The following COL23A1 variants were observed in gnomAD, a reference collection of about 807,000 sequenced individuals.
COL23A1 encodes collagen type XXIII alpha 1 chain, also known as collagen alpha-1(XXIII) chain.
Under a neutral mutation model 99.3 loss-of-function variants are expected in COL23A1, and 97 were observed. The observed-to-expected ratio is 0.98, with a 90% CI of 0.83 to 1.16. The LOEUF is 1.16. Among genes scored for constraint, COL23A1 ranks in the 50% most tolerant of loss-of-function variants. COL23A1 has a pLI of 0.00. For missense variants in COL23A1, 762 were observed against 757.4 expected (o/e 1.01, Z -0.07); for synonymous variants, 320 against 308.2 (o/e 1.04, Z -0.40).
At chr5:178,531,927 A>G (rs1375620258) in intron 2 of COL23A1, among the ~76,000 whole-genome samples, 2 of 152,092 alleles carry the variant, frequency 1.3e-5, no homozygotes, top group African/African-American at 4.8e-5. Flanking sequence ...CACAACACCA[A>G]ACTCAAGGTG....
intron 2 of COL23A1, among the ~76,000 whole-genome samples, chr5:178,364,552 G>A (rs188988708): frequency 1.3e-4 from 19 of 151,906 alleles, no homozygotes; most frequent in East Asian, 3.9e-4. Flanking sequence ...CTCACGGGCC[G>A]TCTTCCTAAG....
chr5:178,584,997 C>T (rs1763852829), intron 1 of COL23A1, among the ~76,000 whole-genome samples: 1 of 152,172 alleles, frequency 6.6e-6, no homozygotes, highest in Non-Finnish European at 1.5e-5. Flanking sequence ...AGCATCTGCT[C>T]AAGGGTTAAA....
intron 2 of COL23A1, among the ~76,000 whole-genome samples, chr5:178,448,746 C>T (rs533365888): frequency 7.8e-4 from 119 of 151,802 alleles, no homozygotes; most frequent in Middle Eastern, 3.4e-3. Flanking sequence ...CCGTATACTG[C>T]TGCACTGGAG....
chr5:178,242,145 ATGG>A lies in COL23A1; in HGVS notation c.1495-20_1495-18del, dbSNP rs970211037. The A allele has an allele frequency of 1.3e-6, 2 of 1,547,110 alleles. No individual in the cohort carries two copies. The highest frequency in any genetic ancestry group is 1.7e-6 in the Non-Finnish European group (2 of 1,143,594). On this transcript the variant is annotated intron_variant, in intron 26 of 28. Coordinates refer to ENST00000390654, the MANE Select transcript of COL23A1 (RefSeq NM_173465.4). The stretch of plus-strand genomic sequence containing the variant: ...TCGTTCTCCCTGTGCAGGAGGGGAG[ATGG>A]TGGTATTGGTCATGGCTGCCAGGCT...
chr5:178,386,179 C>G lies in COL23A1; in HGVS notation c.362-79260G>C, dbSNP rs1350667265. On this transcript the variant is annotated intron_variant, in intron 2 of 28. Transcript: ENST00000390654. ...ATAGGCCAGGCGCCGTGGCTCACACCTGTAATCCTAGCATTTTGGGAGGCT... is the reference window on the plus strand; with the variant it reads ...ATAGGCCAGGCGCCGTGGCTCACACGTGTAATCCTAGCATTTTGGGAGGCT... 3.9e-5 allele frequency among the ~76,000 whole-genome samples: 6 copies of G among 152,192 alleles called. No homozygotes were observed. The East Asian group carries it at 1.2e-3, about 29-fold the overall frequency.
At chr5:178,523,005 T>C (rs1215331287) in intron 2 of COL23A1, among the ~76,000 whole-genome samples, 2 of 151,518 alleles carry the variant, frequency 1.3e-5, no homozygotes, top group Non-Finnish European at 2.9e-5. Flanking sequence ...CAGAACTGAA[T>C]GTAAAAAAAC....
At chr5:178,479,866 G>A (rs1003456593) in intron 2 of COL23A1, among the ~76,000 whole-genome samples, 1 of 152,160 alleles carries the variant, frequency 6.6e-6, no homozygotes, top group Non-Finnish European at 1.5e-5. Flanking sequence ...GTCATTGTGT[G>A]AACATCATAG....
intron 2 of COL23A1, among the ~76,000 whole-genome samples, chr5:178,510,540 C>T (rs959224910): frequency 6.6e-6 from 1 of 152,132 alleles, no homozygotes; most frequent in Admixed American, 6.5e-5. Context: ...GACTCTGTCT[C>T]AAGCTTTAGG....
intron 3 of COL23A1, among the ~76,000 whole-genome samples, chr5:178,296,861 C>T (rs1265378201): frequency 6.6e-6 from 1 of 152,196 alleles, no homozygotes; most frequent in Non-Finnish European, 1.5e-5. Flanking sequence ...GGCACCATGT[C>T]ACCAGGCTAC....
At chr5:178,364,273 T>C (rs747355064) in intron 2 of COL23A1, among the ~76,000 whole-genome samples, 2 of 152,216 alleles carry the variant, frequency 1.3e-5, no homozygotes, top group African/African-American at 2.4e-5. Context: ...CAGAACTGCC[T>C]GGCCCCCGCC....
chr5:178,368,176 G>A (rs914512052), intron 2 of COL23A1, among the ~76,000 whole-genome samples: 3 of 152,182 alleles, frequency 2.0e-5, no homozygotes, highest in Non-Finnish European at 4.4e-5. Context: ...AACTTTCCAT[G>A]TGTGAAAGGC....
At chr5:178,241,597 C>T (rs1335402263) in intron 27 of COL23A1, among the ~76,000 whole-genome samples, 1 of 152,172 alleles carries the variant, frequency 6.6e-6, no homozygotes, top group Admixed American at 6.5e-5. Context: ...CCGCCCCCAG[C>T]GGCAGCGTGT....
chr5:178,239,620 C>T (rs1428085046), intron 27 of COL23A1, among the ~76,000 whole-genome samples: 27 of 56,760 alleles, frequency 4.8e-4, no homozygotes, highest in Non-Finnish European at 4.2e-4. Flanking sequence ...TGGGTCCTGC[C>T]GAGAGCCGTG....
At chr5:178,479,138 C>T (rs1175291979) in intron 2 of COL23A1, among the ~76,000 whole-genome samples, 1 of 152,082 alleles carries the variant, frequency 6.6e-6, no homozygotes. Context: ...GTGGTAATGA[C>T]AACAGCCAAC....
At chr5:178,241,836 C>T (rs1764417093) in intron 27 of COL23A1, among the ~76,000 whole-genome samples, 1 of 152,214 alleles carries the variant, frequency 6.6e-6, no homozygotes, top group South Asian at 2.1e-4. Flanking sequence ...GAGTCATGCC[C>T]ATGGTTGGGG....
chr5:178,474,220 A>G (rs1301193137), intron 2 of COL23A1, among the ~76,000 whole-genome samples: 1 of 152,248 alleles, frequency 6.6e-6, no homozygotes, highest in Admixed American at 6.5e-5. Context: ...AAGGAGCCTC[A>G]GAAAGCCAGA....
At chr5:178,477,483 A>C (rs1425313556) in intron 2 of COL23A1, among the ~76,000 whole-genome samples, 24 of 152,232 alleles carry the variant, frequency 1.6e-4, no homozygotes, top group Admixed American at 1.6e-3. Flanking sequence ...GTTTAAATGA[A>C]AAGCAGACAG....
chr5:178,461,843 G>A (rs1432414502), intron 2 of COL23A1, among the ~76,000 whole-genome samples: 1 of 152,262 alleles, frequency 6.6e-6, no homozygotes, highest in Non-Finnish European at 1.5e-5. Flanking sequence ...GCAATGGCAT[G>A]TTGGAGGAAA....
At chr5:178,354,804 C>G (rs1045689821) in intron 2 of COL23A1, among the ~76,000 whole-genome samples, 2 of 152,118 alleles carry the variant, frequency 1.3e-5, no homozygotes, top group African/African-American at 4.8e-5. Context: ...TGCCTGTAAT[C>G]CTAGCACTTT....
Sources: allele counts gnomAD v4.1 joint callset (sites outside exome capture counted in the v4.1 genomes callset), GRCh38; gene constraint gnomAD v4.1.1; transcripts MANE v1.5; gene names NCBI Gene and HGNC (gene_info 2026-07-23, HGNC 2026-07-21).